Variants in METTL8 observed in about 807,000 individuals in gnomAD.
METTL8 encodes the protein methyltransferase 8, tRNA N3-cytidine.
In METTL8, 32 loss-of-function variants were observed where a neutral mutation model predicts 48.7. That is an observed-to-expected ratio of 0.66 (90% CI 0.50 to 0.88). The LOEUF (loss-of-function observed/expected upper bound fraction) is 0.88, where lower values mean the gene tolerates loss of function less well. Ranked by LOEUF, METTL8 falls within the 40% of genes least tolerant of loss-of-function variation. The pLI is 0.00. For synonymous variants in METTL8, 136 were observed against 157.1 expected (o/e 0.87, Z 1.01); for missense variants, 464 against 474.4 (o/e 0.98, Z 0.20).
chr2:171,401,136 A>G (rs1689596628), intron 1 of METTL8, among the ~76,000 whole-genome samples: 1 of 152,148 alleles, frequency 6.6e-6, no homozygotes, highest in African/African-American at 2.4e-5. Context: ...AGCAAACATC[A>G]TCTAGAATGA....
intron 2 of METTL8, among the ~76,000 whole-genome samples, chr2:171,386,789 C>T (rs975855051): frequency 2.6e-5 from 4 of 152,076 alleles, no homozygotes; most frequent in African/African-American, 4.8e-5. Context: ...TTCCCAAGAC[C>T]GCCCTGGCCT....
At chr2:171,415,720 C>A (rs773926561) in intron 1 of METTL8, among the ~76,000 whole-genome samples, 6 of 152,062 alleles carry the variant, frequency 3.9e-5, no homozygotes, top group Non-Finnish European at 7.4e-5. Context: ...ATTTTAAAAT[C>A]ACTAAATATA....
intron 2 of METTL8, chr2:171,375,231 G>C: frequency 7.9e-7 from 1 of 1,270,830 alleles, no homozygotes; most frequent in South Asian, 1.2e-5. Flanking sequence ...GATGCACGTG[G>C]CCGCGGCCCT....
At chr2:171,434,117 G>T (rs576625229), upstream of METTL8, 2 of 337,836 alleles carry the variant, frequency 5.9e-6, no homozygotes, top group Non-Finnish European at 1.2e-5. Context: ...AAGCGCGCCC[G>T]CAAGACAGCG....
chr2:171,398,564 C>T (rs899730663), intron 1 of METTL8, among the ~76,000 whole-genome samples: 3 of 152,026 alleles, frequency 2.0e-5, no homozygotes, highest in African/African-American at 7.2e-5. Context: ...AACGGGGAGA[C>T]GTAGATCAAA....
intron 3 of METTL8, among the ~76,000 whole-genome samples, chr2:171,356,019 C>T (rs1289540768): frequency 6.6e-6 from 1 of 152,206 alleles, no homozygotes; most frequent in African/African-American, 2.4e-5. Context: ...AACCCAGTAC[C>T]TCAGTTGGAA....
At position 171,333,082 on chromosome 2, in the gene METTL8, ACT is replaced by A. The variant is rs554483485; in HGVS notation, c.657-1217_657-1216del. On this transcript the variant is annotated intron_variant, in intron 5 of 9. Coordinates refer to ENST00000375258, the MANE Select transcript of METTL8 (RefSeq NM_001321154.2). ...AAAATCTGACCCAGGTGCAGGTTAT[ACT>A]CTTTTTTTTTCTTTTCTTTTTTTTT... Among the ~76,000 whole-genome samples, 26 of 148,960 alleles carry A rather than the reference ACT, an allele frequency of 1.7e-4. No individual in the cohort carries two copies. In the East Asian group the frequency reaches 4.7e-3, roughly 27 times the overall value.
chr2:171,338,062 T>TA (rs1686307024), intron 4 of METTL8, among the ~76,000 whole-genome samples: 1 of 152,142 alleles, frequency 6.6e-6, no homozygotes, highest in Non-Finnish European at 1.5e-5. Flanking sequence ...TTAAAAGTAT[T>TA]AAAAATCTTC....
intron 2 of METTL8, among the ~76,000 whole-genome samples, chr2:171,363,877 A>G (rs1245643834): frequency 6.9e-6 from 1 of 144,156 alleles, no homozygotes; most frequent in Non-Finnish European, 1.5e-5. Flanking sequence ...CAGTGGCACA[A>G]TCTTGGCTCA....
At chr2:171,329,180 G>A (rs1447810648) in intron 7 of METTL8, among the ~76,000 whole-genome samples, 6 of 151,314 alleles carry the variant, frequency 4.0e-5, no homozygotes, top group Non-Finnish European at 7.4e-5. Context: ...CAGTAGAAAC[G>A]AGGTTTCACC....
At chr2:171,353,853 C>G (rs1360359301) in intron 3 of METTL8, among the ~76,000 whole-genome samples, 1 of 152,096 alleles carries the variant, frequency 6.6e-6, no homozygotes, top group Non-Finnish European at 1.5e-5. Flanking sequence ...CTATGTGTGT[C>G]TCTGCACATG....
At chr2:171,353,846 T>G (rs550510804) in intron 3 of METTL8, among the ~76,000 whole-genome samples, 4 of 152,336 alleles carry the variant, frequency 2.6e-5, no homozygotes, top group African/African-American at 7.2e-5. Context: ...TTTGAGCCTA[T>G]GTGTGTCTCT....
chr2:171,434,062 C>G, upstream of METTL8: 1 of 294,588 alleles, frequency 3.4e-6, no homozygotes. Flanking sequence ...GGCGGCAGCA[C>G]CGCGCCCCCA....
chr2:171,358,920 T>C (rs1684868223), intron 3 of METTL8, among the ~76,000 whole-genome samples: 2 of 152,042 alleles, frequency 1.3e-5, no homozygotes, highest in Admixed American at 6.6e-5. Context: ...AAACTACCCA[T>C]TTGACAAGGG....
intron 1 of METTL8, among the ~76,000 whole-genome samples, chr2:171,420,680 A>G (rs945161582): frequency 2.6e-5 from 4 of 152,230 alleles, no homozygotes; most frequent in Non-Finnish European, 5.9e-5. Flanking sequence ...CCTACAATGT[A>G]TAAAAAACAA....
chr2:171,398,060 C>T (rs1689281749), intron 1 of METTL8, among the ~76,000 whole-genome samples: 1 of 152,088 alleles, frequency 6.6e-6, no homozygotes, highest in Non-Finnish European at 1.5e-5. Context: ...TAAAATGATA[C>T]AGCAGCTATG....
At chr2:171,348,150 C>T (rs924536309) in intron 3 of METTL8, among the ~76,000 whole-genome samples, 2 of 152,196 alleles carry the variant, frequency 1.3e-5, no homozygotes, top group African/African-American at 4.8e-5. Context: ...TAGTTAACTA[C>T]CAGTGGGATT....
rs560789220 is a variant in METTL8 at position 171,372,299 on chromosome 2, A to T, written c.144-11786T>A. Among the ~76,000 whole-genome samples, 12 of 151,764 alleles carry T rather than the reference A, an allele frequency of 7.9e-5. 1 individual carries two copies. In the East Asian group the frequency reaches 9.6e-4, roughly 12 times the overall value. ...ATAAGGAAGGGGGCATTTTTTTTTT[A>T]AATTAAAACTCAATACCAATGCATA... On this transcript the variant is annotated intron_variant, in intron 2 of 9. Coordinates refer to ENST00000375258, the MANE Select transcript of METTL8 (RefSeq NM_001321154.2).
intron 2 of METTL8, among the ~76,000 whole-genome samples, chr2:171,371,697 G>GA (rs1559128512): frequency 6.6e-6 from 1 of 150,854 alleles, no homozygotes; most frequent in Non-Finnish European, 1.5e-5. Flanking sequence ...TTAGCCTCTG[G>GA]AAAAACCTCT....
Sources: gnomAD v4.1 joint callset for allele counts (sites outside exome capture counted in the v4.1 genomes callset) on GRCh38, gnomAD v4.1.1 for gene constraint, MANE v1.5 for transcripts, NCBI Gene and HGNC (gene_info 2026-07-23, HGNC 2026-07-21) for gene names.